The following CEP350 variants were observed in gnomAD, a reference collection of about 807,000 sequenced individuals.
The protein encoded by CEP350 is centrosome-associated protein 350.
A neutral mutation model predicts 331.8 loss-of-function variants in CEP350; 126 were observed. The ratio of observed to expected loss-of-function variants is 0.38; its 90% CI spans 0.33 to 0.44. The LOEUF (loss-of-function observed/expected upper bound fraction) is 0.44, where lower values mean the gene tolerates loss of function less well. Ranked by LOEUF, CEP350 falls within the 20% of genes least tolerant of loss-of-function variation. The pLI, the probability that CEP350 is intolerant of heterozygous loss-of-function variation, is 1.00. For synonymous variants in CEP350, 1,200 were observed against 1,259.5 expected, an observed-to-expected ratio of 0.95 and a Z score of 1.00; for missense variants, 3,406 against 3,634.6, an observed-to-expected ratio of 0.94 and a Z score of 1.62.
chr1:180,074,140 G>A (rs974139198), intron 27 of CEP350, among the ~76,000 whole-genome samples: 1 of 152,100 alleles, frequency 6.6e-6, no homozygotes, highest in Admixed American at 6.6e-5. Context: ...TGCGATACAT[G>A]TACGCATTTT....
At chr1:180,036,873 C>A in intron 16 of CEP350, 53 bp from the exon 17 acceptor site, 1 of 1,430,522 alleles carries the variant, frequency 7.0e-7, no homozygotes, top group South Asian at 1.6e-5. Context: ...TTTTAGAAAT[C>A]TGAGTGTAAT....
chr1:180,019,399 T>C (rs1437298809), intron 11 of CEP350, among the ~76,000 whole-genome samples: 1 of 152,220 alleles, frequency 6.6e-6, no homozygotes, highest in African/African-American at 2.4e-5. Context: ...ATTAATTTTT[T>C]ACAAGTATTA....
rs35589931 is a variant in CEP350 at position 180,043,078 on chromosome 1, A to G, written c.4385A>G (p.His1462Arg). The change falls in exon 20 of 38, where the codon CAT becomes CGT. Residue 1462 changes from histidine (H) to arginine (R), a missense_variant. By Grantham distance (29) the His-to-Arg change is conservative. Around this residue, in one of 5 missense-constraint regions of CEP350, gnomAD observed 1,857 missense variants for 1,909.2 expected, o/e 0.97. Coordinates refer to ENST00000367607, the MANE Select transcript of CEP350 (RefSeq NM_014810.5). Reference protein sequence around the residue: ...ICEMAELTRTHISDAVVASGA... With the variant: ...ICEMAELTRTRISDAVVASGA... ...TAGATGGCAGAGTTGACTAGAACTC[A>G]TATCTCAGATGCTGTCGTGGCTTCA... The G allele has an allele frequency of 1.5e-3, 2,382 of 1,613,502 alleles. 13 individuals carry two copies. Among genetic ancestry groups the G allele is most frequent in the Middle Eastern group, 0.012 (72 of 6,060 alleles).
Position 180,093,007 on chromosome 1 carries a change from A to C in CEP350, c.6902A>C (p.Lys2301Thr), listed in dbSNP as rs775294660. ...QGDSSEILSK[K>T]DLPLDSENVQ... is the part of the protein sequence containing the mutation. ...GATTCATCTGAAATTCTTTCAAAGAAAGATCTTCCTTTAGATTCTGAAAAT... is the reference window on the plus strand; with the variant it reads ...GATTCATCTGAAATTCTTTCAAAGACAGATCTTCCTTTAGATTCTGAAAAT... Residue 2301 changes from lysine to threonine, a missense_variant, in exon 34 of 38, where the codon AAA becomes ACA. Coordinates refer to ENST00000367607, the MANE Select transcript of CEP350 (RefSeq NM_014810.5). 1.1e-5 allele frequency: 17 copies of C among 1,604,706 alleles called. No individual in the cohort carries two copies. The African/African-American group carries it at 2.1e-4, about 20-fold the overall frequency.
At chr1:179,979,167 C>T (rs1369385886) in intron 1 of CEP350, among the ~76,000 whole-genome samples, 1 of 152,114 alleles carries the variant, frequency 6.6e-6, no homozygotes, top group African/African-American at 2.4e-5. Flanking sequence ...AGTGGATATA[C>T]TAGTTTACAT....
At chr1:180,002,331 A>G (rs1558091017) in intron 6 of CEP350, among the ~76,000 whole-genome samples, 1 of 152,158 alleles carries the variant, frequency 6.6e-6, no homozygotes, top group East Asian at 1.9e-4. Context: ...AAAATTATCC[A>G]GGAATGGTGG....
At chr1:180,088,190 C>A (rs2149110750) in intron 32 of CEP350, among the ~76,000 whole-genome samples, 1 of 151,820 alleles carries the variant, frequency 6.6e-6, no homozygotes, top group African/African-American at 2.4e-5. Flanking sequence ...ATTTTTATGG[C>A]CAAAAATGGA....
rs1307001333 is a variant in CEP350 at position 180,022,722 on chromosome 1, G to C, written c.3260G>C (p.Gly1087Ala). Residue 1087 changes from glycine (G) to alanine (A), a missense_variant, in exon 13 of 38, where the codon GGA becomes GCA. This residue lies in a region of CEP350 where 1,857 missense variants were observed against 1,909.2 expected (regional missense o/e 0.97). Transcript: ENST00000367607. Reference sequence around the variant, plus strand: ...GGGTTTGAAGACAAGTTGGACAGAGGAACATCAACATCACGGCCTTTGAAT... The same window carrying C: ...GGGTTTGAAGACAAGTTGGACAGAGCAACATCAACATCACGGCCTTTGAAT... The part of the protein sequence containing the change: ...GKGFEDKLDR[G>A]TSTSRPLNAT... The C allele has an allele frequency of 1.2e-6, 2 of 1,612,250 alleles. No individual in the cohort carries two copies. The highest frequency in any genetic ancestry group is 1.3e-5 in the African/African-American group (1 of 74,862).
Position 180,014,494 on chromosome 1 carries a change from C to G in CEP350, c.2041C>G (p.Gln681Glu). 6.2e-7 allele frequency: 1 copy of G among 1,601,482 alleles called. No homozygotes were observed. Among genetic ancestry groups the G allele is most frequent in the Admixed American group, 1.7e-5 (1 of 57,328 alleles). Residue 681 changes from glutamine (Q) to glutamate (E), a missense_variant, in exon 10 of 38, where the codon CAG (glutamine) becomes GAG (glutamate). Physicochemically the swap from Gln to Glu is conservative, Grantham distance 29. Coordinates refer to ENST00000367607, the MANE Select transcript of CEP350 (RefSeq NM_014810.5). ...AGAGCCATCTCATCAACATGTTACG[C>G]AGGAAACACAGGTAATAGTAGTGAC... ...LEEPSHQHVT[Q>E]ETQAKPGYQP... is the part of the protein sequence containing the mutation.
intron 32 of CEP350, among the ~76,000 whole-genome samples, chr1:180,089,144 C>G (rs1201620076): frequency 6.6e-6 from 1 of 152,076 alleles, no homozygotes; most frequent in Admixed American, 6.5e-5. Context: ...TTTGTGTTTA[C>G]AGAGATCTTT....
intron 37 of CEP350, among the ~76,000 whole-genome samples, chr1:180,102,545 T>C (rs1373201108): frequency 6.6e-6 from 1 of 152,238 alleles, no homozygotes; most frequent in East Asian, 1.9e-4. Flanking sequence ...TTTGTTACAC[T>C]TTTCACCCAT....
intron 11 of CEP350, among the ~76,000 whole-genome samples, chr1:180,016,185 G>A (rs1000691609): frequency 1.3e-5 from 2 of 152,212 alleles, no homozygotes; most frequent in Non-Finnish European, 2.9e-5. Context: ...TAATGTAAAT[G>A]TCAGTTTCTT....
chr1:180,034,831 G>A (rs1656246923), intron 16 of CEP350, among the ~76,000 whole-genome samples: 1 of 151,986 alleles, frequency 6.6e-6, no homozygotes, highest in Non-Finnish European at 1.5e-5. Flanking sequence ...ATTAAAATTA[G>A]GCCAATTACT....
At position 180,037,098 on chromosome 1, in the gene CEP350, G is replaced by C. The variant is rs1029471910; in HGVS notation, c.4110+9G>C. On this transcript the variant is annotated intron_variant, in intron 17 of 37. Transcript: ENST00000367607. The stretch of plus-strand genomic sequence containing the variant: ...TAGCTCAGATAATAAAGGTATTTTT[G>C]GAGTTTTTTAGCTTTCTGTGGTTTT... The C allele has an allele frequency of 6.4e-6, 10 of 1,552,128 alleles. No homozygotes were observed. Among genetic ancestry groups the C allele is most frequent in the Non-Finnish European group, 8.7e-6 (10 of 1,154,674 alleles).
At chr1:180,053,684 C>G (rs977469029) in intron 23 of CEP350, 66 bp from the exon 24 acceptor site, 75 of 956,414 alleles carry the variant, frequency 7.8e-5, no homozygotes, top group Admixed American at 7.4e-5. Flanking sequence ...ATGCATACCT[C>G]TTTTAGTGGA....
At chr1:180,040,187 T>C (rs974460071) in intron 17 of CEP350, among the ~76,000 whole-genome samples, 1 of 151,524 alleles carries the variant, frequency 6.6e-6, no homozygotes, top group Admixed American at 6.6e-5. Context: ...CCAGTCATTG[T>C]GACAGCAGAA....
intron 32 of CEP350, 71 bp from the exon 33 acceptor site, chr1:180,090,643 G>A: frequency 7.3e-7 from 1 of 1,367,838 alleles, no homozygotes; most frequent in East Asian, 2.9e-5. Flanking sequence ...AGTTGTCTAA[G>A]AATGTCTGCT....
In CEP350 at chr1:180,014,464, C is replaced by T; in HGVS notation, c.2011C>T (p.Leu671Phe). Residue 671 changes from leucine (L) to phenylalanine (F), a missense_variant, in exon 10 of 38, where the codon CTT becomes TTT. Leu to Phe is a conservative substitution (Grantham distance 22, BLOSUM62 0). Around this residue, in one of 5 missense-constraint regions of CEP350, gnomAD observed 1,857 missense variants for 1,909.2 expected, o/e 0.97. Coordinates refer to ENST00000367607, the MANE Select transcript of CEP350 (RefSeq NM_014810.5). ...CAAATTGCTACTAGAAAAGACCTTG[C>T]TTGAAGAGCCATCTCATCAACATGT... ...YSKLLLEKTL[L>F]EEPSHQHVTQ... 6.2e-7 allele frequency: 1 copy of T among 1,609,254 alleles called. No individual in the cohort carries two copies. The highest frequency in any genetic ancestry group is 8.5e-7 in the Non-Finnish European group (1 of 1,178,214).
intron 1 of CEP350, 79 bp from the exon 2 acceptor site, chr1:179,986,090 A>T: frequency 8.5e-7 from 1 of 1,173,342 alleles, no homozygotes; most frequent in African/African-American, 1.5e-5. Context: ...TAGTCATAAT[A>T]TAATTTTTAA....
Sources: allele counts gnomAD v4.1 joint callset (sites outside exome capture counted in the v4.1 genomes callset), GRCh38; gene constraint gnomAD v4.1.1; regional missense constraint gnomAD v4.1.1; transcripts MANE v1.5; gene names NCBI Gene and HGNC (gene_info 2026-07-23, HGNC 2026-07-21).